The following PCDHA4 variants were observed in gnomAD, a reference collection of about 807,000 sequenced individuals.
PCDHA4 encodes the protein protocadherin alpha-4.
In PCDHA4, 49 loss-of-function variants were observed where a neutral mutation model predicts 61.4. That is an observed-to-expected ratio of 0.80 (90% CI 0.63 to 1.01). PCDHA4 has a LOEUF of 1.01. Ranked by LOEUF, PCDHA4 falls within the 50% of genes least tolerant of loss-of-function variation. The probability of loss-of-function intolerance (pLI) is 0.00; values close to 1 mark genes in which losing one functional copy is unlikely to be tolerated. For synonymous variants in PCDHA4, 590 were observed against 550.3 expected (o/e 1.07, Z -1.01); for missense variants, 1,254 against 1,235.8 (o/e 1.01, Z -0.22).
At chr5:140,969,606 C>T (rs2096345912) in intron 1 of PCDHA4, 1 of 758,598 alleles carries the variant, frequency 1.3e-6, no homozygotes, top group South Asian at 2.1e-5. Context: ...AATGCTAAAA[C>T]ACAGATTTGT....
chr5:140,845,841 A>C (rs1160077154), intron 1 of PCDHA4, among the ~76,000 whole-genome samples: 1 of 149,848 alleles, frequency 6.7e-6, no homozygotes, highest in African/African-American at 2.4e-5. Flanking sequence ...CATTCTTAAG[A>C]GAAAAGAAGT....
At chr5:140,873,064 T>A (rs1554166548) in intron 1 of PCDHA4, among the ~76,000 whole-genome samples, 1 of 152,186 alleles carries the variant, frequency 6.6e-6, no homozygotes, top group Non-Finnish European at 1.5e-5. Context: ...TTCTTGAGAA[T>A]CATATCTAGC....
At position 141,003,456 on chromosome 5, in the gene PCDHA4, C is replaced by T. The variant is rs187279966; in HGVS notation, c.2534-6171C>T. Among the ~76,000 whole-genome samples the T allele has an allele frequency of 1.2e-3, 188 of 152,136 alleles. 1 individual carries two copies. The highest frequency in any genetic ancestry group is 4.1e-3 in the African/African-American group (172 of 41,508). On this transcript the variant is annotated intron_variant, in intron 3 of 3. Transcript: ENST00000530339. ...CCTCCCAAGTAGATGAAATTACAGGCGTGCACCACCACAGTCTCGCTAATT... is the reference window on the plus strand; with the variant it reads ...CCTCCCAAGTAGATGAAATTACAGGTGTGCACCACCACAGTCTCGCTAATT...
At chr5:140,882,658 G>T in intron 1 of PCDHA4, 4 of 1,614,148 alleles carry the variant, frequency 2.5e-6, no homozygotes, top group South Asian at 1.1e-5. Flanking sequence ...ACGACAACCC[G>T]CCCATATTCC....
In PCDHA4 at chr5:140,883,629, C is replaced by T. The variant is rs1467301210; in HGVS notation, c.2385+74057C>T. ...GCCGACGTGAACGACAACGCGCCGGCGTTCGCGCAGCCCGAGTACACGGTG... is the reference window on the plus strand; with the variant it reads ...GCCGACGTGAACGACAACGCGCCGGTGTTCGCGCAGCCCGAGTACACGGTG... On this transcript the variant is annotated intron_variant, in intron 1 of 3. Transcript: ENST00000530339. 6.2e-7 allele frequency: 1 copy of T among 1,613,868 alleles called. No individual in the cohort carries two copies. Among genetic ancestry groups the T allele is most frequent in the African/African-American group, 1.3e-5 (1 of 74,936 alleles).
At chr5:140,970,911 T>C (rs1003828575) in intron 1 of PCDHA4, among the ~76,000 whole-genome samples, 2 of 152,194 alleles carry the variant, frequency 1.3e-5, no homozygotes, top group East Asian at 3.9e-4. Context: ...ATTTATTCAT[T>C]TATCAGAAGT....
At chr5:140,835,924 GC>G (rs1243160712) in intron 1 of PCDHA4, 2 of 1,612,294 alleles carry the variant, frequency 1.2e-6, no homozygotes, top group Non-Finnish European at 1.7e-6. Flanking sequence ...CACGCGGAGA[GC>G]GGCAAGGTGT....
intron 1 of PCDHA4, among the ~76,000 whole-genome samples, chr5:140,872,606 A>AT (rs1302987061): frequency 6.6e-6 from 1 of 151,888 alleles, no homozygotes; most frequent in Non-Finnish European, 1.5e-5. Context: ...TGAAAAAATA[A>AT]TTTTTTTTGC....
intron 1 of PCDHA4, chr5:140,966,327 C>A (rs1381846026): frequency 5.1e-6 from 2 of 392,388 alleles, no homozygotes; most frequent in East Asian, 3.6e-5. Flanking sequence ...CCGCTGGGAT[C>A]CGGCAGGTCC....
intron 1 of PCDHA4, chr5:140,841,999 T>G: frequency 6.2e-7 from 1 of 1,613,818 alleles, no homozygotes; most frequent in Non-Finnish European, 8.5e-7. Flanking sequence ...CAGGCACTGT[T>G]CAGCTGCTGG....
At chr5:140,926,590 G>A (rs2083383863) in intron 1 of PCDHA4, 1 of 296,754 alleles carries the variant, frequency 3.4e-6, no homozygotes, top group Non-Finnish European at 6.1e-6. Context: ...CTCGCGCCCG[G>A]GCGGGCGGCC....
intron 1 of PCDHA4, among the ~76,000 whole-genome samples, chr5:140,880,101 T>C (rs1190307689): frequency 6.6e-6 from 1 of 152,192 alleles, no homozygotes; most frequent in Non-Finnish European, 1.5e-5. Context: ...CTTAAAATCA[T>C]AGAAGGATAG....
intron 1 of PCDHA4, among the ~76,000 whole-genome samples, chr5:140,837,576 C>T (rs2150276796): frequency 1.3e-5 from 2 of 151,950 alleles, no homozygotes; most frequent in African/African-American, 4.8e-5. Flanking sequence ...TTACAATCAC[C>T]AAATTGTAAA....
At chr5:140,875,271 C>A (rs1256076154) in intron 1 of PCDHA4, 2 of 1,256,362 alleles carry the variant, frequency 1.6e-6, no homozygotes, top group Non-Finnish European at 2.1e-6. Flanking sequence ...GCTCTACACT[C>A]AGAAGGTGAA....
chr5:140,807,569 G>A lies in PCDHA4; in HGVS notation c.382G>A (p.Asp128Asn), dbSNP rs952470653. 5 of 1,614,178 alleles carry A rather than the reference G, an allele frequency of 3.1e-6. No homozygotes were observed. The highest frequency in any genetic ancestry group is 1.1e-5 in the South Asian group (1 of 91,082). The change falls in exon 1 of 4, where the codon GAT (aspartate) becomes AAT (asparagine). Residue 128 changes from aspartate to asparagine, a missense_variant. Physicochemically the swap from Asp to Asn is conservative, Grantham distance 23 (BLOSUM62 1). Coordinates refer to ENST00000530339, the MANE Select transcript of PCDHA4 (RefSeq NM_018907.4). ...GGACGTGGAGGTGAGGGACATTAAC[G>A]ATAACCCGCCGGTGTTCCCAGCAAC... is the stretch of plus-strand genomic sequence containing the variant. Reference protein sequence around the residue: ...HVDVEVRDINDNPPVFPATQK... With the variant: ...HVDVEVRDINNNPPVFPATQK...
chr5:140,857,144 A>G, intron 1 of PCDHA4: 1 of 1,598,350 alleles, frequency 6.3e-7, no homozygotes, highest in Non-Finnish European at 8.6e-7. Context: ...TCAAGTGGGC[A>G]CCGTCATTGC....
chr5:140,849,902 G>T, intron 1 of PCDHA4: 2 of 1,598,532 alleles, frequency 1.3e-6, no homozygotes, highest in African/African-American at 1.3e-5. Context: ...AGAACAACCC[G>T]CCGGGCTGCC....
chr5:140,894,971 G>A (rs1231249838), intron 1 of PCDHA4, among the ~76,000 whole-genome samples: 1 of 152,010 alleles, frequency 6.6e-6, no homozygotes, highest in African/African-American at 2.4e-5. Context: ...ATTTTTTAAT[G>A]TCTTACTTTG....
chr5:140,968,328 A>AT (rs1554230627), intron 1 of PCDHA4: 1 of 1,614,076 alleles, frequency 6.2e-7, no homozygotes, highest in South Asian at 1.1e-5. Flanking sequence ...GTCACCTCCT[A>AT]TGTCTCCATT....
Sources: allele counts gnomAD v4.1 joint callset (sites outside exome capture counted in the v4.1 genomes callset), GRCh38; gene constraint gnomAD v4.1.1; transcripts MANE v1.5; gene names NCBI Gene and HGNC (gene_info 2026-07-23, HGNC 2026-07-21).